NBAS: variants seen among roughly 807,000 people sequenced by gnomAD.
NBAS encodes the protein NBAS subunit of NRZ tethering complex, also known as NAG/BC035112 fusion.
Under a neutral mutation model 302.5 loss-of-function variants are expected in NBAS, and 219 were observed. The ratio of observed to expected loss-of-function variants is 0.72; its 90% CI spans 0.65 to 0.81. The LOEUF (loss-of-function observed/expected upper bound fraction) is 0.81, where lower values mean the gene tolerates loss of function less well. NBAS is among the 30% of genes least tolerant of loss of function. The pLI, the probability that NBAS is intolerant of heterozygous loss-of-function variation, is 0.00. For missense variants in NBAS, 2,932 were observed against 2,841.6 expected, an observed-to-expected ratio of 1.03 and a Z score of -0.72; for synonymous variants, 1,118 against 1,021.6, an observed-to-expected ratio of 1.09 and a Z score of -1.80.
chr2:15,163,730 T>C (rs1393366689), downstream of NBAS, among the ~76,000 whole-genome samples: 1 of 151,702 alleles, frequency 6.6e-6, no homozygotes, highest in East Asian at 1.9e-4. Flanking sequence ...TGAGGGGAGG[T>C]TTGGATGAAG....
At chr2:15,034,764 T>C in the NBAS span, among the ~76,000 whole-genome samples, 1 of 152,150 alleles carries the variant, frequency 6.6e-6, no homozygotes, top group Non-Finnish European at 1.5e-5. Context: ...TGAGATGGTA[T>C]TGATCAAGCA....
chr2:14,794,672 T>C, the NBAS span, among the ~76,000 whole-genome samples: 1 of 152,202 alleles, frequency 6.6e-6, no homozygotes, highest in Non-Finnish European at 1.5e-5. Context: ...ATGTATACTC[T>C]TGAACCAATT....
At chr2:14,814,759 G>T in the NBAS span, among the ~76,000 whole-genome samples, 1 of 152,198 alleles carries the variant, frequency 6.6e-6, no homozygotes, top group African/African-American at 2.4e-5. Flanking sequence ...ATTTTGCAAT[G>T]TGAGCAGTAC....
chr2:15,089,377 C>T, the NBAS span, among the ~76,000 whole-genome samples: 2 of 152,142 alleles, frequency 1.3e-5, no homozygotes, highest in African/African-American at 4.8e-5. Context: ...ACCCCAAAAT[C>T]ATGAAATCTG....
the NBAS span, among the ~76,000 whole-genome samples, chr2:14,984,898 G>A: frequency 1.5e-4 from 23 of 152,162 alleles, no homozygotes; most frequent in Non-Finnish European, 2.5e-4. Flanking sequence ...TCAGAGTGGT[G>A]GTGGGTGAGG....
chr2:14,857,511 G>A, the NBAS span, among the ~76,000 whole-genome samples: 13 of 152,130 alleles, frequency 8.5e-5, no homozygotes, highest in East Asian at 7.7e-4. Flanking sequence ...ACAACCCAGC[G>A]ATAAATCCAT....
chr2:15,034,342 A>G, the NBAS span, among the ~76,000 whole-genome samples: 1 of 152,130 alleles, frequency 6.6e-6, no homozygotes, highest in African/African-American at 2.4e-5. Flanking sequence ...GCAGGCAAGC[A>G]AGCAAGCAAG....
the NBAS span, among the ~76,000 whole-genome samples, chr2:14,939,218 A>G: frequency 6.6e-6 from 1 of 152,246 alleles, no homozygotes; most frequent in Non-Finnish European, 1.5e-5. Flanking sequence ...AAGCTGTTAG[A>G]CCATGACAGT....
intron 12 of NBAS, among the ~76,000 whole-genome samples, chr2:15,479,291 G>A (rs915923299): frequency 2.6e-5 from 4 of 152,110 alleles, no homozygotes; most frequent in Non-Finnish European, 5.9e-5. Context: ...TTAATCATAA[G>A]AAACGATGAC....
At chr2:14,911,639 T>C in the NBAS span, among the ~76,000 whole-genome samples, 1 of 152,196 alleles carries the variant, frequency 6.6e-6, no homozygotes, top group African/African-American at 2.4e-5. Context: ...CACCCACTTG[T>C]TGTCAAGATT....
At chr2:15,379,197 T>TC (rs566318018) in intron 30 of NBAS, among the ~76,000 whole-genome samples, 5 of 23,232 alleles carry the variant, frequency 2.2e-4, no homozygotes, top group Non-Finnish European at 4.3e-4. Flanking sequence ...TCTCTCTCTC[T>TC]TTTTTTTTTT....
intron 48 of NBAS, among the ~76,000 whole-genome samples, chr2:15,196,674 T>C (rs902272344): frequency 6.6e-6 from 1 of 152,182 alleles, no homozygotes. Flanking sequence ...GTGACATAAT[T>C]TGTATAAAGC....
the NBAS span, among the ~76,000 whole-genome samples, chr2:15,123,131 C>T: frequency 1.3e-5 from 2 of 152,186 alleles, no homozygotes; most frequent in Non-Finnish European, 2.9e-5. Context: ...TTCGTTCTGG[C>T]TCCCAGCATG....
At chr2:15,402,047 T>C (rs1343851230) in intron 26 of NBAS, 121 bp downstream of exon 26, 2 of 1,049,654 alleles carry the variant, frequency 1.9e-6, no homozygotes, top group Non-Finnish European at 3.0e-6. Flanking sequence ...TTTTATTTTC[T>C]TCCTTATGTT....
chr2:15,068,780 A>T, the NBAS span, among the ~76,000 whole-genome samples: 1 of 152,186 alleles, frequency 6.6e-6, no homozygotes, highest in South Asian at 2.1e-4. Context: ...TTCTAAACAC[A>T]ATCTCTTTAT....
At chr2:15,252,496 C>T (rs1441161246) in intron 44 of NBAS, among the ~76,000 whole-genome samples, 2 of 150,842 alleles carry the variant, frequency 1.3e-5, no homozygotes, top group Non-Finnish European at 2.9e-5. Flanking sequence ...GAAACTCCAT[C>T]TCAAAAATAA....
chr2:14,803,416 G>T, the NBAS span, among the ~76,000 whole-genome samples: 1 of 152,080 alleles, frequency 6.6e-6, no homozygotes, highest in Non-Finnish European at 1.5e-5. Context: ...TTTGCCTTTT[G>T]TACTCTCACT....
chr2:15,141,637 T>C, the NBAS span, among the ~76,000 whole-genome samples: 1 of 152,226 alleles, frequency 6.6e-6, no homozygotes, highest in African/African-American at 2.4e-5. Flanking sequence ...ACCAAGATAT[T>C]TGATGCACAA....
At chr2:14,789,888 T>C in the NBAS span, among the ~76,000 whole-genome samples, 2 of 152,150 alleles carry the variant, frequency 1.3e-5, no homozygotes, top group Admixed American at 1.3e-4. Flanking sequence ...AATAAATAAA[T>C]GAAACCAGAA....
Sources: allele counts gnomAD v4.1 joint callset (sites outside exome capture counted in the v4.1 genomes callset), GRCh38; gene constraint gnomAD v4.1.1; transcripts MANE v1.5; gene names NCBI Gene and HGNC (gene_info 2026-07-23, HGNC 2026-07-21).